Variants in RAB5A observed in about 807,000 individuals in gnomAD.
The protein encoded by RAB5A is ras-related protein Rab-5A.
In RAB5A, 8 loss-of-function variants were observed where a neutral mutation model predicts 25.7. The observed-to-expected ratio is 0.31, with a 90% CI of 0.18 to 0.56. The LOEUF is 0.56. Among genes scored for constraint, RAB5A ranks in the 20% least tolerant of loss-of-function variants. RAB5A has a pLI of 0.91. For missense variants in RAB5A, 192 were observed against 259.7 expected, an observed-to-expected ratio of 0.74 and a Z score of 1.79; for synonymous variants, 98 against 89.8, an observed-to-expected ratio of 1.09 and a Z score of -0.52.
chr3:19,973,665 A>C (rs182701295), intron 2 of RAB5A, among the ~76,000 whole-genome samples: 3 of 152,226 alleles, frequency 2.0e-5, no homozygotes. Context: ...CTGGATTAGA[A>C]TATATTTACA....
At chr3:19,971,115 C>A (rs56242922) in intron 2 of RAB5A, among the ~76,000 whole-genome samples, 1 of 148,844 alleles carries the variant, frequency 6.7e-6, no homozygotes, top group East Asian at 2.0e-4. Context: ...GAGAATCACT[C>A]GAACCCAGGA....
chr3:19,969,812 CT>C (rs1000427845), intron 2 of RAB5A, among the ~76,000 whole-genome samples: 16 of 151,846 alleles, frequency 1.1e-4, no homozygotes, highest in Non-Finnish European at 1.8e-4. Flanking sequence ...CTTTGTTTTT[CT>C]TTTTTTTCTT....
At chr3:19,949,072 CT>C (rs1696382109) in intron 1 of RAB5A, among the ~76,000 whole-genome samples, 1 of 152,106 alleles carries the variant, frequency 6.6e-6, no homozygotes, top group African/African-American at 2.4e-5. Flanking sequence ...GGAATAGAAA[CT>C]TGGAAATTAA....
intron 2 of RAB5A, among the ~76,000 whole-genome samples, chr3:19,974,367 A>T (rs900169810): frequency 1.1e-4 from 17 of 151,932 alleles, no homozygotes; most frequent in Non-Finnish European, 2.4e-4. Context: ...GTTGGCCAGG[A>T]TGGTCTTGAT....
intron 2 of RAB5A, among the ~76,000 whole-genome samples, chr3:19,961,409 T>G (rs1696582476): frequency 6.6e-6 from 1 of 151,652 alleles, no homozygotes; most frequent in Non-Finnish European, 1.5e-5. Context: ...ACTAGAAAAT[T>G]TGGCTCATAG....
chr3:19,977,388 A>G (rs1042574002), intron 4 of RAB5A, among the ~76,000 whole-genome samples: 2 of 152,208 alleles, frequency 1.3e-5, no homozygotes, highest in Admixed American at 6.6e-5. Flanking sequence ...TAGACCTTTT[A>G]AAACTGTGCC....
chr3:19,966,173 C>G (rs1422789504), intron 2 of RAB5A, among the ~76,000 whole-genome samples: 1 of 152,156 alleles, frequency 6.6e-6, no homozygotes, highest in Non-Finnish European at 1.5e-5. Flanking sequence ...AGCTGAAACT[C>G]TGCACCCACT....
rs367556695 is a variant in RAB5A, at chr3:19,968,936, C to T, written c.164-6665C>T. Among the ~76,000 whole-genome samples, 6 of 151,738 alleles carry T rather than the reference C, an allele frequency of 4.0e-5. No individual in the cohort carries two copies. The South Asian group carries it at 8.3e-4, about 21-fold the overall frequency. ...GTTAAAAAGTATTAGCATTTTCTTG[C>T]CTTTGCTACATGTTGCCAAAATCCT... On this transcript the variant is annotated intron_variant, in intron 2 of 5. Coordinates refer to ENST00000273047, the MANE Select transcript of RAB5A (RefSeq NM_004162.5).
chr3:19,963,155 A>G (rs111369138), intron 2 of RAB5A, among the ~76,000 whole-genome samples: 2 of 152,178 alleles, frequency 1.3e-5, no homozygotes, highest in African/African-American at 4.8e-5. Context: ...TGTTACTTCT[A>G]TGTAGATTTC....
At chr3:19,979,583 C>T (rs969954057) in intron 5 of RAB5A, among the ~76,000 whole-genome samples, 1 of 152,092 alleles carries the variant, frequency 6.6e-6, no homozygotes, top group Admixed American at 6.5e-5. Context: ...CTGCCCCTGG[C>T]CCTAAGGTAC....
chr3:19,966,875 G>A (rs2866630), intron 2 of RAB5A, among the ~76,000 whole-genome samples: 24,973 of 152,020 alleles, frequency 0.16, 2,699 homozygotes, highest in Non-Finnish European at 0.24. Flanking sequence ...CATGATCACA[G>A]CACACTGCAG....
intron 1 of RAB5A, among the ~76,000 whole-genome samples, chr3:19,948,836 T>C (rs1008192272): frequency 3.3e-5 from 5 of 152,222 alleles, no homozygotes; most frequent in African/African-American, 1.2e-4. Flanking sequence ...AGTAATTTCT[T>C]GTTTTCTTAA....
At position 19,973,122 on chromosome 3, in the gene RAB5A, A is replaced by G. The variant is rs557946305; in HGVS notation, c.164-2479A>G. 2.9e-4 allele frequency among the ~76,000 whole-genome samples: 44 copies of G among 152,300 alleles called. 1 individual carries two copies. Among genetic ancestry groups the G allele is most frequent in the Non-Finnish European group, 5.4e-4 (37 of 68,016 alleles). On this transcript the variant is annotated intron_variant, in intron 2 of 5. Transcript: ENST00000273047. ...ATACAGGAGGATGTGCTTAGGTTATATACACATACTTTGCAATTTTATATC... is the reference window on the plus strand; with the variant it reads ...ATACAGGAGGATGTGCTTAGGTTATGTACACATACTTTGCAATTTTATATC...
chr3:19,962,401 C>G (rs1477459009), intron 2 of RAB5A, among the ~76,000 whole-genome samples: 2 of 152,110 alleles, frequency 1.3e-5, no homozygotes, highest in Non-Finnish European at 2.9e-5. Context: ...AACCCCTTCT[C>G]TACTAAAAAT....
At chr3:19,979,688 T>G (rs1369350977) in intron 5 of RAB5A, among the ~76,000 whole-genome samples, 4 of 152,152 alleles carry the variant, frequency 2.6e-5, no homozygotes, top group Admixed American at 6.5e-5. Context: ...AAGGTTGGTT[T>G]TGTTTTTTGG....
In RAB5A at chr3:19,983,688, A is replaced by G. The variant is rs763564987; in HGVS notation, c.533-20A>G. ...ATATGAGTATTCAAATATTCTATTT[A>G]TTTGATCATTTTCTTTCAGCTAAAA... On this transcript the variant is annotated intron_variant, in intron 5 of 5. Coordinates refer to ENST00000273047, the MANE Select transcript of RAB5A (RefSeq NM_004162.5). 1.8e-5 allele frequency: 27 copies of G among 1,471,954 alleles called. No homozygotes were observed. The highest frequency in any genetic ancestry group is 2.5e-5 in the Non-Finnish European group (26 of 1,059,952). The allele number at this position is 1,471,954 out of a possible 1,614,324, so 91.2% of individuals were successfully genotyped here. A position where few individuals can be genotyped will look rare whatever the true frequency, so the allele number is the denominator to read the frequency against.
intron 1 of RAB5A, among the ~76,000 whole-genome samples, chr3:19,948,677 AGG>A (rs1240065090): frequency 3.3e-5 from 5 of 152,114 alleles, no homozygotes; most frequent in African/African-American, 1.2e-4. Context: ...TGAGATCCTT[AGG>A]GGGAGTAGCC....
At chr3:19,976,209 CCTGT>C (rs1696823051) in intron 4 of RAB5A, 40 bp downstream of exon 4, 1 of 1,578,974 alleles carries the variant, frequency 6.3e-7, no homozygotes, top group East Asian at 2.3e-5. Context: ...GCACTTTTTT[CCTGT>C]ATGTTTTTCT....
At chr3:19,948,414 C>T (rs1267408020) in intron 1 of RAB5A, among the ~76,000 whole-genome samples, 1 of 152,132 alleles carries the variant, frequency 6.6e-6, no homozygotes, top group Non-Finnish European at 1.5e-5. Flanking sequence ...TTTGTATAAA[C>T]AAAGTAAATG....
Sources: allele counts gnomAD v4.1 joint callset (sites outside exome capture counted in the v4.1 genomes callset), GRCh38; gene constraint gnomAD v4.1.1; transcripts MANE v1.5; gene names NCBI Gene and HGNC (gene_info 2026-07-23, HGNC 2026-07-21).